The following EMCN variants were observed in gnomAD, a reference collection of about 807,000 sequenced individuals.
EMCN encodes endomucin.
EMCN carries 37 observed loss-of-function variants against 38.4 expected under a neutral mutation model. The observed-to-expected ratio is 0.96, with a 90% confidence interval of 0.74 to 1.27. The LOEUF (loss-of-function observed/expected upper bound fraction) is 1.27. EMCN is among the 50% of genes most tolerant of loss of function. The pLI is 0.00. For missense variants in EMCN, 318 were observed against 302.8 expected, an observed-to-expected ratio of 1.05 and a Z score of -0.37; for synonymous variants, 95 against 100.8, an observed-to-expected ratio of 0.94 and a Z score of 0.35.
intron 3 of EMCN, among the ~76,000 whole-genome samples, chr4:100,472,957 CTT>C (rs925649432): frequency 4.8e-5 from 7 of 147,258 alleles, no homozygotes; most frequent in African/African-American, 1.7e-4. Flanking sequence ...ATAAAATAAA[CTT>C]CTATATATAT....
At chr4:100,482,244 G>A (rs909534837) in intron 1 of EMCN, among the ~76,000 whole-genome samples, 13 of 152,138 alleles carry the variant, frequency 8.5e-5, no homozygotes, top group Non-Finnish European at 1.5e-4. Flanking sequence ...AACAATATGA[G>A]AGTGGTATTG....
chr4:100,455,205 C>G (rs1181956964), intron 4 of EMCN, among the ~76,000 whole-genome samples: 1 of 151,840 alleles, frequency 6.6e-6, no homozygotes, highest in South Asian at 2.1e-4. Flanking sequence ...TAGTTATAAC[C>G]TTTCTCTCAT....
intron 4 of EMCN, among the ~76,000 whole-genome samples, chr4:100,449,977 A>G (rs1330930296): frequency 6.6e-6 from 1 of 152,038 alleles, no homozygotes; most frequent in Non-Finnish European, 1.5e-5. Flanking sequence ...ACAACTTTCA[A>G]ATTTGGACTC....
chr4:100,455,332 G>A (rs980184351), intron 4 of EMCN, among the ~76,000 whole-genome samples: 1 of 151,948 alleles, frequency 6.6e-6, no homozygotes, highest in Non-Finnish European at 1.5e-5. Context: ...CTAAAAATGA[G>A]ATAAAAGTCT....
chr4:100,457,918 A>G (rs1376223258), intron 4 of EMCN, among the ~76,000 whole-genome samples: 1 of 152,088 alleles, frequency 6.6e-6, no homozygotes, highest in African/African-American at 2.4e-5. Context: ...GGAGTGCAAG[A>G]CCAGCCTGGC....
At chr4:100,517,824 C>T in intron 1 of EMCN, 27 bp downstream of exon 1, 2 of 1,609,268 alleles carry the variant, frequency 1.2e-6, no homozygotes, top group Non-Finnish European at 1.7e-6. Flanking sequence ...CAATCCGTAC[C>T]ACCAGAGGAA....
At chr4:100,460,989 G>A (rs1029887159) in intron 4 of EMCN, among the ~76,000 whole-genome samples, 3 of 152,138 alleles carry the variant, frequency 2.0e-5, no homozygotes, top group Non-Finnish European at 4.4e-5. Flanking sequence ...ATCACATTGT[G>A]TATCCAATTA....
Position 100,439,263 on chromosome 4 carries a change from G to A in EMCN, c.415+8270C>T, listed in dbSNP as rs1434035563. ...TTTCTGGGCTTTTCTTTGTTGGGAA[G>A]TTTTTTGTTACTTCTTTGATCTCTT... On this transcript the variant is annotated intron_variant, in intron 5 of 11. Coordinates refer to ENST00000296420, the MANE Select transcript of EMCN (RefSeq NM_016242.4). Among the ~76,000 whole-genome samples the A allele has an allele frequency of 3.9e-5, 6 of 151,932 alleles. No individual in the cohort carries two copies. The South Asian group carries it at 1.2e-3, about 31-fold the overall frequency.
rs1560619311 is a variant in EMCN at position 100,448,825 on chromosome 4, TCCCTCCCTCCC to T, written c.377-1265_377-1255del. Among the ~76,000 whole-genome samples the T allele has an allele frequency of 8.1e-4, 118 of 146,534 alleles. 3 individuals are homozygous for T. Among genetic ancestry groups the T allele is most frequent in the African/African-American group, 2.9e-3 (114 of 39,074 alleles). Reference sequence around the variant, plus strand: ...CTTCCTTCCTTCCTTCCTTCCTTCCTCCCTCCCTCCCTCCCTCCCTTCCTTGCTTTCTGGCT... The same window carrying T: ...CTTCCTTCCTTCCTTCCTTCCTTCCTTCCCTCCCTTCCTTGCTTTCTGGCT... On this transcript the variant is annotated intron_variant, in intron 4 of 11. Coordinates refer to ENST00000296420, the MANE Select transcript of EMCN (RefSeq NM_016242.4).
At chr4:100,438,933 C>G (rs558480215) in intron 5 of EMCN, among the ~76,000 whole-genome samples, 2 of 152,046 alleles carry the variant, frequency 1.3e-5, no homozygotes, top group South Asian at 4.2e-4. Context: ...AGAAATAAAT[C>G]CCACTTGGTC....
intron 4 of EMCN, among the ~76,000 whole-genome samples, chr4:100,460,180 T>C (rs759147026): frequency 2.0e-5 from 3 of 152,176 alleles, no homozygotes; most frequent in Non-Finnish European, 2.9e-5. Context: ...TGATTAGTAA[T>C]GTTGGGAATA....
chr4:100,480,104 T>TTAA, intron 1 of EMCN, 65 bp from the exon 2 acceptor site: 1 of 1,404,564 alleles, frequency 7.1e-7, no homozygotes, highest in South Asian at 1.3e-5. Flanking sequence ...GACTAGTATA[T>TTAA]TTAAACAAGT....
chr4:100,446,147 G>GA (rs1490793251), intron 5 of EMCN: 11 of 985,080 alleles, frequency 1.1e-5, no homozygotes, highest in African/African-American at 1.7e-5. Context: ...GAAGCAGAGG[G>GA]AAAAAAATCT....
At chr4:100,476,293 CCTT>C (rs1728649863) in intron 2 of EMCN, among the ~76,000 whole-genome samples, 1 of 149,692 alleles carries the variant, frequency 6.7e-6, no homozygotes, top group South Asian at 2.1e-4. Context: ...TTTCTTCTCT[CCTT>C]CTTGCTTGAC....
At chr4:100,506,954 A>G (rs551100679) in intron 1 of EMCN, among the ~76,000 whole-genome samples, 1 of 152,312 alleles carries the variant, frequency 6.6e-6, no homozygotes, top group Non-Finnish European at 1.5e-5. Flanking sequence ...TAGTAATTTA[A>G]TCCTCTATAT....
chr4:100,471,286 T>C (rs1005951633), intron 3 of EMCN, among the ~76,000 whole-genome samples: 3 of 151,838 alleles, frequency 2.0e-5, no homozygotes, highest in African/African-American at 4.8e-5. Flanking sequence ...TTACAGAAAT[T>C]AGAAGGATTA....
chr4:100,490,533 T>C (rs892353779), intron 1 of EMCN, among the ~76,000 whole-genome samples: 1 of 152,218 alleles, frequency 6.6e-6, no homozygotes. Context: ...TCATGGTAAG[T>C]GCCCTATACA....
intron 8 of EMCN, among the ~76,000 whole-genome samples, chr4:100,418,786 T>C (rs773711432): frequency 6.6e-6 from 1 of 152,148 alleles, no homozygotes; most frequent in African/African-American, 2.4e-5. Flanking sequence ...TATCTATTCA[T>C]CTGCTGATGG....
chr4:100,409,330 A>G (rs1269206850), intron 11 of EMCN, among the ~76,000 whole-genome samples: 2 of 152,142 alleles, frequency 1.3e-5, no homozygotes, highest in African/African-American at 2.4e-5. Flanking sequence ...TTCTTGTAAC[A>G]ATTAAATTAA....
Sources: gnomAD v4.1 joint callset for allele counts (sites outside exome capture counted in the v4.1 genomes callset) on GRCh38, gnomAD v4.1.1 for gene constraint, MANE v1.5 for transcripts, NCBI Gene and HGNC (gene_info 2026-07-23, HGNC 2026-07-21) for gene names.